SCN9A: variants seen among roughly 807,000 people sequenced by gnomAD.
The protein encoded by SCN9A is sodium channel protein type 9 subunit alpha.
In SCN9A, 131 loss-of-function variants were observed where a neutral mutation model predicts 187.0. The ratio of observed to expected loss-of-function variants is 0.70; its 90% CI spans 0.61 to 0.81. The LOEUF is 0.81. SCN9A is among the 30% of genes least tolerant of loss of function. The pLI, the probability that SCN9A is intolerant of heterozygous loss-of-function variation, is 0.00. For synonymous variants in SCN9A, 809 were observed against 808.6 expected (o/e 1.00, Z -0.01); for missense variants, 2,252 against 2,396.6 (o/e 0.94, Z 1.26).
chr2:166,221,646 C>A (rs1694589503), intron 24 of SCN9A, among the ~76,000 whole-genome samples: 1 of 152,166 alleles, frequency 6.6e-6, no homozygotes, highest in African/African-American at 2.4e-5. Context: ...GATCCTCCAG[C>A]CTTAGCCTCC....
chr2:166,315,944 T>C (rs1325015832), intron 1 of SCN9A, among the ~76,000 whole-genome samples: 2 of 152,106 alleles, frequency 1.3e-5, no homozygotes, highest in African/African-American at 4.8e-5. Context: ...AATGGAAAAA[T>C]AAAGCTCAAA....
chr2:166,301,462 C>T (rs949055652), intron 7 of SCN9A: 1 of 150,936 alleles, frequency 6.6e-6, no homozygotes, highest in Non-Finnish European at 1.5e-5. Context: ...TTGAGCTCTC[C>T]GAACTTCTCT....
At chr2:166,305,618 T>A (rs1698728520) in intron 5 of SCN9A, among the ~76,000 whole-genome samples, 174 bp downstream of exon 5, 1 of 152,098 alleles carries the variant, frequency 6.6e-6, no homozygotes, top group African/African-American at 2.4e-5. Flanking sequence ...ATAGTCTTTT[T>A]GAAAAATTTA....
At chr2:166,370,232 A>ATCATCATCATCATCATCATCATC (rs1553507732) in intron 1 of SCN9A, among the ~76,000 whole-genome samples, 2 of 137,290 alleles carry the variant, frequency 1.5e-5, no homozygotes, top group South Asian at 2.4e-4. Context: ...TAATAATAAT[A>ATCATCATCATCATCATCATCATC]ATAATCATCA....
Position 166,281,778 on chromosome 2 carries a change from G to C in SCN9A, c.2005C>G (p.Arg669Gly). 6.2e-7 allele frequency: 1 copy of C among 1,612,396 alleles called. No individual in the cohort carries two copies. Among genetic ancestry groups the C allele is most frequent in the South Asian group, 1.1e-5 (1 of 90,898 alleles). Reference protein sequence around the residue: ...GTTNQIHKKRRCSSYLLSEDM... With the variant: ...GTTNQIHKKRGCSSYLLSEDM... ...TCTGAAAGGAGATAGGAACTACAAC[G>C]CCTTTTCTTGTGTATTTGATTGGTC... Residue 669 changes from arginine (R) to glycine (G), a missense_variant, in exon 13 of 27, where the codon CGT becomes GGT. Physicochemically the swap from Arg to Gly is moderately radical, Grantham distance 125 (BLOSUM62 -2). Coordinates refer to ENST00000642356, the MANE Select transcript of SCN9A (RefSeq NM_001365536.1).
intron 14 of SCN9A, among the ~76,000 whole-genome samples, chr2:166,280,117 A>G (rs762805804): frequency 1.3e-5 from 2 of 151,990 alleles, no homozygotes; most frequent in African/African-American, 4.8e-5. Flanking sequence ...ATCATTATCA[A>G]CTCCCAAGAT....
chr2:166,308,963 T>C (rs1160543457), intron 2 of SCN9A, among the ~76,000 whole-genome samples: 2 of 147,872 alleles, frequency 1.4e-5, no homozygotes, highest in Non-Finnish European at 3.0e-5. Flanking sequence ...ACATGTATAG[T>C]CAGAAACTAT....
chr2:166,215,517 A>C (rs1694292694), intron 24 of SCN9A, among the ~76,000 whole-genome samples: 1 of 152,060 alleles, frequency 6.6e-6, no homozygotes, highest in Admixed American at 6.6e-5. Flanking sequence ...AAAAACCTTT[A>C]ACTAGACTAA....
chr2:166,351,003 G>C (rs756369671), intron 1 of SCN9A, among the ~76,000 whole-genome samples: 1 of 152,038 alleles, frequency 6.6e-6, no homozygotes, highest in Non-Finnish European at 1.5e-5. Context: ...AGAGTGCTAA[G>C]AGTAATTTGC....
At chr2:166,291,499 C>A (rs962947541) in intron 9 of SCN9A, among the ~76,000 whole-genome samples, 2 of 152,098 alleles carry the variant, frequency 1.3e-5, no homozygotes, top group East Asian at 1.9e-4. Flanking sequence ...GCCATACTGC[C>A]GAAAGTAATT....
chr2:166,322,535 T>C (rs560408978), intron 1 of SCN9A, among the ~76,000 whole-genome samples: 7 of 152,306 alleles, frequency 4.6e-5, no homozygotes, highest in Non-Finnish European at 5.9e-5. Context: ...GTTAACTGTA[T>C]ATAAAGTGCT....
chr2:166,277,383 T>A, intron 15 of SCN9A, 44 bp from the exon 16 acceptor site: 3 of 1,309,724 alleles, frequency 2.3e-6, no homozygotes, highest in Non-Finnish European at 2.1e-6. Flanking sequence ...TATGAAAATC[T>A]TTTCAATGTT....
intron 7 of SCN9A, among the ~76,000 whole-genome samples, chr2:166,299,050 C>T (rs1698439970): frequency 6.6e-6 from 1 of 152,158 alleles, no homozygotes. Flanking sequence ...ACTCTGCAGT[C>T]TTCTCTTCTA....
At chr2:166,307,551 A>C (rs1299267364) in intron 2 of SCN9A, among the ~76,000 whole-genome samples, 2 of 152,208 alleles carry the variant, frequency 1.3e-5, no homozygotes, top group Admixed American at 1.3e-4. Context: ...TATTTCAAAA[A>C]ATATTTTCCT....
intron 24 of SCN9A, among the ~76,000 whole-genome samples, chr2:166,211,873 T>C (rs145399657): frequency 1.2e-3 from 186 of 152,064 alleles, no homozygotes; most frequent in Non-Finnish European, 2.1e-3. Context: ...AAAAAAGAAT[T>C]ACAAAACAGA....
chr2:166,306,553 A>G lies in SCN9A; in HGVS notation c.424T>C (p.Phe142Leu), dbSNP rs1698764625. The change falls in exon 4 of 27, where the codon TTT (phenylalanine) becomes CTT (leucine). Residue 142 changes from phenylalanine to leucine, a missense_variant. Coordinates refer to ENST00000642356, the MANE Select transcript of SCN9A (RefSeq NM_001365536.1). ...IMCTILTNCIFMTMNNPPDWT... is the reference protein window; with the variant it reads ...IMCTILTNCILMTMNNPPDWT... Reference sequence around the variant, plus strand: ...TCCGGTGGGTTATTCATGGTCATAAATATGCAGTTTGTCAGAATAGTGCAC... The same window carrying G: ...TCCGGTGGGTTATTCATGGTCATAAGTATGCAGTTTGTCAGAATAGTGCAC... The G allele has an allele frequency of 2.5e-6, 4 of 1,583,894 alleles. No individual in the cohort carries two copies. The highest frequency in any genetic ancestry group is 3.6e-5 in the Admixed American group (2 of 55,802).
Position 166,277,339 on chromosome 2 carries a change from G to A in SCN9A, c.2518C>T (p.Leu840Phe). The change falls in exon 16 of 27, where the codon CTC (leucine) becomes TTC (phenylalanine). Residue 840 changes from leucine to phenylalanine, a missense_variant and splice_region_variant. Transcript: ENST00000642356. ...GLSVLRSFRL[L>F]RVFKLAKSWP... Reference sequence around the variant, plus strand: ...GATTTTGCCAACTTGAAGACTCGGAGCTAAAAGCAAATATAAAGTTTAATG... The same window carrying A: ...GATTTTGCCAACTTGAAGACTCGGAACTAAAAGCAAATATAAAGTTTAATG... 3 of 1,588,070 alleles carry A rather than the reference G, an allele frequency of 1.9e-6. No homozygotes were observed. The highest frequency in any genetic ancestry group is 4.5e-5 in the East Asian group (2 of 44,620).
intron 17 of SCN9A, among the ~76,000 whole-genome samples, chr2:166,261,194 A>G (rs1696488010): frequency 6.6e-6 from 1 of 151,934 alleles, no homozygotes; most frequent in Non-Finnish European, 1.5e-5. Flanking sequence ...GTAATATTGG[A>G]GAAGCATGCC....
intron 17 of SCN9A, among the ~76,000 whole-genome samples, chr2:166,259,783 T>A (rs1254911736): frequency 1.3e-5 from 2 of 151,814 alleles, no homozygotes; most frequent in Admixed American, 1.3e-4. Context: ...ATATAAAGAA[T>A]AAGACACATT....
Sources: gnomAD v4.1 joint callset for allele counts (sites outside exome capture counted in the v4.1 genomes callset) on GRCh38, gnomAD v4.1.1 for gene constraint, MANE v1.5 for transcripts, NCBI Gene and HGNC (gene_info 2026-07-23, HGNC 2026-07-21) for gene names.